The following DAB1 variants were observed in gnomAD, a reference collection of about 807,000 sequenced individuals.
The protein encoded by DAB1 is disabled homolog 1.
A neutral mutation model predicts 64.6 loss-of-function variants in DAB1; 15 were observed. The ratio of observed to expected loss-of-function variants is 0.23; its 90% CI spans 0.16 to 0.36. The LOEUF (loss-of-function observed/expected upper bound fraction) is 0.36, where lower values mean the gene tolerates loss of function less well. Among genes scored for constraint, DAB1 ranks in the 10% least tolerant of loss-of-function variants. DAB1 has a pLI of 1.00. For missense variants in DAB1, 596 were observed against 706.7 expected (o/e 0.84, Z 1.78); for synonymous variants, 235 against 251.9 (o/e 0.93, Z 0.64).
intron 1 of DAB1, among the ~76,000 whole-genome samples, chr1:57,324,021 G>A (rs1271795469): frequency 6.6e-6 from 1 of 152,070 alleles, no homozygotes; most frequent in Non-Finnish European, 1.5e-5. Context: ...CACATGTTTG[G>A]GGCAAATGAA....
At chr1:58,236,048 G>A (rs903448709) in intron 4 of DAB1, among the ~76,000 whole-genome samples, 2 of 152,070 alleles carry the variant, frequency 1.3e-5, no homozygotes, top group Non-Finnish European at 2.9e-5. Context: ...GCAGAAAGAC[G>A]AGAGCAAGGC....
chr1:58,322,466 G>T (rs1340380432), intron 4 of DAB1, among the ~76,000 whole-genome samples: 2 of 152,198 alleles, frequency 1.3e-5, no homozygotes, highest in Non-Finnish European at 1.5e-5. Flanking sequence ...AGACATCTGT[G>T]CAGCCAACAG....
chr1:58,395,859 TA>T (rs1391424300), intron 3 of DAB1, among the ~76,000 whole-genome samples: 2 of 152,162 alleles, frequency 1.3e-5, no homozygotes, highest in Non-Finnish European at 2.9e-5. Context: ...TGTGGGGGTC[TA>T]AGTCGGGGAG....
intron 6 of DAB1, among the ~76,000 whole-genome samples, chr1:57,780,064 T>C (rs1649993484): frequency 6.6e-6 from 1 of 152,158 alleles, no homozygotes; most frequent in Non-Finnish European, 1.5e-5. Flanking sequence ...TAGATTATTC[T>C]CTGGAGGTCA....
chr1:57,791,036 C>T (rs1167027474), intron 6 of DAB1, among the ~76,000 whole-genome samples: 1 of 152,164 alleles, frequency 6.6e-6, no homozygotes, highest in Non-Finnish European at 1.5e-5. Context: ...CATTCATTTG[C>T]ACTTGCCCAC....
chr1:57,476,861 C>A (rs1643945150), intron 7 of DAB1, among the ~76,000 whole-genome samples: 1 of 152,106 alleles, frequency 6.6e-6, no homozygotes. Flanking sequence ...TGCATAGGCT[C>A]TGGATTCAGA....
At chr1:58,402,083 T>A (rs1022899730) in intron 3 of DAB1, among the ~76,000 whole-genome samples, 1 of 152,214 alleles carries the variant, frequency 6.6e-6, no homozygotes, top group Non-Finnish European at 1.5e-5. Flanking sequence ...GAGATGAGTA[T>A]ACTCTGGCAT....
At chr1:57,439,723 G>A (rs59909349) in intron 7 of DAB1, among the ~76,000 whole-genome samples, 2 of 151,264 alleles carry the variant, frequency 1.3e-5, no homozygotes, top group African/African-American at 2.4e-5. Context: ...CACCGCACCC[G>A]GCCAGTGATG....
At chr1:57,176,489 T>G (rs185198468) in intron 2 of DAB1, among the ~76,000 whole-genome samples, 1 of 152,220 alleles carries the variant, frequency 6.6e-6, no homozygotes, top group East Asian at 1.9e-4. Context: ...GTTCCTCCCA[T>G]GACACATGGG....
At chr1:57,732,273 G>A (rs1047622432) in intron 6 of DAB1, among the ~76,000 whole-genome samples, 2 of 152,172 alleles carry the variant, frequency 1.3e-5, no homozygotes, top group East Asian at 1.9e-4. Flanking sequence ...CATTAGGGTG[G>A]GGGCAAGTGT....
intron 6 of DAB1, among the ~76,000 whole-genome samples, chr1:57,683,435 C>G (rs762772539): frequency 2.0e-5 from 3 of 152,200 alleles, no homozygotes; most frequent in Non-Finnish European, 4.4e-5. Flanking sequence ...CAAGGAAATA[C>G]AAAAGAGCCA....
At chr1:57,619,760 T>A (rs892418185) in intron 7 of DAB1, among the ~76,000 whole-genome samples, 28 of 152,144 alleles carry the variant, frequency 1.8e-4, no homozygotes, top group African/African-American at 6.7e-4. Context: ...TCCTATGAAA[T>A]ATTTTAGGGC....
chr1:58,289,403 C>T (rs575944838), intron 4 of DAB1, among the ~76,000 whole-genome samples: 1 of 152,234 alleles, frequency 6.6e-6, no homozygotes, highest in Admixed American at 6.5e-5. Context: ...GGAATGGAAC[C>T]TCAATGTTTT....
intron 1 of DAB1, among the ~76,000 whole-genome samples, chr1:57,308,303 C>T (rs757817805): frequency 1.7e-4 from 26 of 152,044 alleles, no homozygotes; most frequent in Non-Finnish European, 1.5e-4. Context: ...TAGATATTAC[C>T]AGTTAACGTC....
chr1:57,670,021 C>T (rs907120433), intron 6 of DAB1, among the ~76,000 whole-genome samples: 3 of 152,010 alleles, frequency 2.0e-5, no homozygotes, highest in Non-Finnish European at 2.9e-5. Context: ...CCATCATATT[C>T]CTAGGGCCAT....
chr1:57,989,819 C>T (rs929708530), intron 5 of DAB1, among the ~76,000 whole-genome samples: 2 of 152,090 alleles, frequency 1.3e-5, no homozygotes, highest in Non-Finnish European at 2.9e-5. Flanking sequence ...TCTGTTTTGC[C>T]ACCTCAAGAA....
At chr1:57,120,379 T>C (rs1050541563) in intron 4 of DAB1, among the ~76,000 whole-genome samples, 12 of 152,212 alleles carry the variant, frequency 7.9e-5, no homozygotes, top group Non-Finnish European at 1.5e-4. Flanking sequence ...CCACTGCTCC[T>C]GCTTTCAAGG....
At chr1:58,099,251 T>C (rs1028979600) in intron 5 of DAB1, among the ~76,000 whole-genome samples, 4 of 152,196 alleles carry the variant, frequency 2.6e-5, no homozygotes, top group African/African-American at 9.6e-5. Flanking sequence ...TGTGTACTTC[T>C]GGCCACATCT....
At chr1:57,046,311 A>G (rs1648486532) in intron 9 of DAB1, among the ~76,000 whole-genome samples, 1 of 152,204 alleles carries the variant, frequency 6.6e-6, no homozygotes, top group African/African-American at 2.4e-5. Flanking sequence ...AGCAAATATT[A>G]GTTTCTCGCC....
Sources: allele counts gnomAD v4.1 joint callset (sites outside exome capture counted in the v4.1 genomes callset), GRCh38; gene constraint gnomAD v4.1.1; transcripts MANE v1.5; gene names NCBI Gene and HGNC (gene_info 2026-07-23, HGNC 2026-07-21).